The following ZNF536 variants were observed in gnomAD, a reference collection of about 807,000 sequenced individuals.
The protein encoded by ZNF536 is zinc finger protein 536.
ZNF536 carries 13 observed loss-of-function variants against 84.5 expected under a neutral mutation model. That is an observed-to-expected ratio of 0.15 (90% CI 0.10 to 0.24). The LOEUF (loss-of-function observed/expected upper bound fraction) is 0.24, where lower values mean the gene tolerates loss of function less well. ZNF536 is among the 10% of genes least tolerant of loss of function. The pLI, the probability that ZNF536 is intolerant of heterozygous loss-of-function variation, is 1.00. For synonymous variants in ZNF536, 811 were observed against 742.5 expected (o/e 1.09, Z -1.50); for missense variants, 1,536 against 1,747.5 (o/e 0.88, Z 2.16).
intron 2 of ZNF536, among the ~76,000 whole-genome samples, chr19:30,481,342 C>G (rs2054079514): frequency 6.6e-6 from 1 of 152,214 alleles, no homozygotes; most frequent in Non-Finnish European, 1.5e-5. Flanking sequence ...GGGAGTCACA[C>G]TGGTTTTTCT....
intron 1 of ZNF536, among the ~76,000 whole-genome samples, chr19:30,265,736 C>A (rs2025476915): frequency 6.6e-6 from 1 of 152,246 alleles, no homozygotes; most frequent in African/African-American, 2.4e-5. Context: ...ATCACCTTGT[C>A]ATCTCCCACT....
chr19:30,696,825 T>C (rs2051681061), intron 1 of ZNF536, among the ~76,000 whole-genome samples: 1 of 152,104 alleles, frequency 6.6e-6, no homozygotes, highest in Non-Finnish European at 1.5e-5. Context: ...CCTGCTGAAA[T>C]CTGGCGACAT....
chr19:30,507,079 T>A (rs2055203957), intron 2 of ZNF536, among the ~76,000 whole-genome samples: 1 of 152,218 alleles, frequency 6.6e-6, no homozygotes, highest in Admixed American at 6.5e-5. Context: ...AATACAGACC[T>A]GGCTGGGCGT....
intron 1 of ZNF536, among the ~76,000 whole-genome samples, chr19:30,410,935 A>G (rs992305749): frequency 1.1e-4 from 16 of 152,216 alleles, no homozygotes; most frequent in African/African-American, 3.9e-4. Context: ...AAAACCGTAT[A>G]CACATTGCTT....
intron 1 of ZNF536, among the ~76,000 whole-genome samples, chr19:30,408,170 A>G (rs1235010609): frequency 6.6e-6 from 1 of 152,220 alleles, no homozygotes; most frequent in Non-Finnish European, 1.5e-5. Context: ...ACAGAGGTGT[A>G]GAGGAAGTTC....
intron 2 of ZNF536, among the ~76,000 whole-genome samples, chr19:30,448,553 T>C (rs570907611): frequency 9.8e-5 from 15 of 152,326 alleles, no homozygotes; most frequent in African/African-American, 3.6e-4. Flanking sequence ...TCAGACTGCA[T>C]AACAATGTCG....
intron 2 of ZNF536, among the ~76,000 whole-genome samples, chr19:30,512,570 G>A (rs191745137): frequency 1.3e-5 from 2 of 151,414 alleles, no homozygotes; most frequent in Non-Finnish European, 2.9e-5. Context: ...GGTCACATTC[G>A]TTGCTGTGAT....
At chr19:30,274,374 C>T (rs2026013015) in intron 1 of ZNF536, among the ~76,000 whole-genome samples, 2 of 152,230 alleles carry the variant, frequency 1.3e-5, no homozygotes, top group African/African-American at 4.8e-5. Flanking sequence ...CTAATAGCCA[C>T]ATTATATTTT....
At chr19:30,248,051 A>G (rs77203766) in intron 1 of ZNF536, among the ~76,000 whole-genome samples, 1,831 of 152,276 alleles carry the variant, frequency 0.012, 24 homozygotes, top group African/African-American at 0.042. Flanking sequence ...CCCTGTTCAC[A>G]AAAGAGCCAC....
intron 1 of ZNF536, among the ~76,000 whole-genome samples, chr19:30,598,430 T>C (rs988405406): frequency 1.3e-5 from 2 of 152,286 alleles, no homozygotes; most frequent in Non-Finnish European, 2.9e-5. Context: ...CTGAGCCACA[T>C]AAATAATTTT....
intron 1 of ZNF536, among the ~76,000 whole-genome samples, chr19:30,607,287 T>G (rs1340920616): frequency 6.6e-6 from 1 of 152,232 alleles, no homozygotes; most frequent in Non-Finnish European, 1.5e-5. Flanking sequence ...TTTTAGAGTT[T>G]TTTACTGGTG....
At chr19:30,292,319 TG>T (rs2045866552) in intron 2 of ZNF536, among the ~76,000 whole-genome samples, 1 of 139,086 alleles carries the variant, frequency 7.2e-6, no homozygotes, top group African/African-American at 2.9e-5. Flanking sequence ...TCTAGGGAAC[TG>T]TTTTTTTTTT....
intron 2 of ZNF536, among the ~76,000 whole-genome samples, chr19:30,302,616 A>C (rs1376146983): frequency 6.6e-6 from 1 of 152,048 alleles, no homozygotes; most frequent in African/African-American, 2.4e-5. Context: ...CCTCTTTGGG[A>C]GTCTACAATG....
At chr19:30,459,846 C>T (rs1419969219) in intron 2 of ZNF536, among the ~76,000 whole-genome samples, 1 of 152,160 alleles carries the variant, frequency 6.6e-6, no homozygotes, top group Admixed American at 6.5e-5. Context: ...AGGCAGCTTT[C>T]CTTCTCTGTG....
chr19:30,666,362 G>T (rs993524606), intron 1 of ZNF536, among the ~76,000 whole-genome samples: 1 of 152,070 alleles, frequency 6.6e-6, no homozygotes, highest in Non-Finnish European at 1.5e-5. Flanking sequence ...GTTCCCTCCT[G>T]TCCGCTCTTC....
In ZNF536 at chr19:30,591,745, T is replaced by G. The variant is rs112365557; in HGVS notation, c.169+42231T>G. Among the ~76,000 whole-genome samples the G allele has an allele frequency of 9.8e-5, 15 of 152,308 alleles. 1 individual carries two copies. The highest frequency in any genetic ancestry group is 3.6e-4 in the African/African-American group (15 of 41,570). ...GTTTGAGGAAAGAAAATAGTTTGTG[T>G]TGGACTTTCAATTGCCAACTATAAT... On this transcript the variant is annotated intron_variant, in intron 1 of 1. Transcript: ENST00000592773.
At chr19:30,506,007 T>A (rs1380666095) in intron 2 of ZNF536, among the ~76,000 whole-genome samples, 2 of 151,712 alleles carry the variant, frequency 1.3e-5, no homozygotes, top group South Asian at 2.1e-4. Context: ...TGATTTTTTT[T>A]AGAAAATTTT....
chr19:30,510,481 A>G (rs986415781), intron 2 of ZNF536, among the ~76,000 whole-genome samples: 1 of 152,214 alleles, frequency 6.6e-6, no homozygotes, highest in South Asian at 2.1e-4. Context: ...GGAGGCTTCA[A>G]CTTGCCCTGT....
chr19:30,475,449 T>A (rs1340006779), intron 2 of ZNF536, among the ~76,000 whole-genome samples: 1 of 152,154 alleles, frequency 6.6e-6, no homozygotes, highest in Non-Finnish European at 1.5e-5. Flanking sequence ...AGCAAAAAAA[T>A]TAAAAAATAT....
Sources: gnomAD v4.1 joint callset for allele counts (sites outside exome capture counted in the v4.1 genomes callset) on GRCh38, gnomAD v4.1.1 for gene constraint, MANE v1.5 for transcripts, NCBI Gene and HGNC (gene_info 2026-07-23, HGNC 2026-07-21) for gene names.